RB1: variants seen among roughly 807,000 people sequenced by gnomAD.
The protein encoded by RB1 is retinoblastoma-associated protein.
A neutral mutation model predicts 135.4 loss-of-function variants in RB1; 18 were observed. The observed-to-expected ratio is 0.13, with a 90% CI of 0.09 to 0.20. The LOEUF (loss-of-function observed/expected upper bound fraction) is 0.20. RB1 is among the 10% of genes least tolerant of loss of function. The probability of loss-of-function intolerance (pLI) is 1.00; values close to 1 mark genes in which losing one functional copy is unlikely to be tolerated. For synonymous variants in RB1, 365 were observed against 373.2 expected, an observed-to-expected ratio of 0.98 and a Z score of 0.25; for missense variants, 868 against 1,110.0, an observed-to-expected ratio of 0.78 and a Z score of 3.10.
intron 8 of RB1, 123 bp from the exon 9 acceptor site, chr13:48,364,771 A>G: frequency 2.6e-6 from 3 of 1,133,384 alleles, no homozygotes; most frequent in Non-Finnish European, 1.2e-6. Context: ...TAAAAAAGTT[A>G]TACACAGATT....
At chr13:48,362,701 T>G in intron 7 of RB1, 114 bp from the exon 8 acceptor site, 1 of 1,109,998 alleles carries the variant, frequency 9.0e-7, no homozygotes, top group Non-Finnish European at 1.3e-6. Context: ...ACCTAATAAG[T>G]AAAAGTAGTA....
intron 17 of RB1, among the ~76,000 whole-genome samples, chr13:48,432,192 G>A (rs2041519032): frequency 6.6e-6 from 1 of 152,128 alleles, no homozygotes; most frequent in Admixed American, 6.6e-5. Context: ...AATGAATCAT[G>A]TGGTTGTCTC....
chr13:48,326,275 CT>C (rs1395323035), intron 2 of RB1, among the ~76,000 whole-genome samples: 1 of 151,776 alleles, frequency 6.6e-6, no homozygotes, highest in African/African-American at 2.4e-5. Context: ...TGCCTAATTT[CT>C]TTTTTTTCCT....
intron 17 of RB1, chr13:48,411,887 T>C: frequency 6.2e-7 from 1 of 1,613,810 alleles, no homozygotes; most frequent in Non-Finnish European, 8.5e-7. Context: ...TTGAGAGATA[T>C]GTTTTCCATG....
intron 17 of RB1, among the ~76,000 whole-genome samples, chr13:48,403,995 T>C (rs1035531421): frequency 2.6e-5 from 4 of 152,088 alleles, no homozygotes; most frequent in Non-Finnish European, 5.9e-5. Context: ...AATGAGACAC[T>C]GTCTCAAAGA....
rs149608865 is a variant in RB1 at position 48,398,280 on chromosome 13, C to G, written c.1695+16837C>G. Among the ~76,000 whole-genome samples, 22 of 152,268 alleles carry G rather than the reference C, an allele frequency of 1.4e-4. No individual in the cohort carries two copies. The East Asian group carries it at 4.2e-3, about 29-fold the overall frequency. ...ATAGCTAAAGCTTTAACCTTTCTCA[C>G]TCTGACCCAATATATTCCTAATATA... On this transcript the variant is annotated intron_variant, in intron 17 of 26. Coordinates refer to ENST00000267163, the MANE Select transcript of RB1 (RefSeq NM_000321.3).
intron 17 of RB1, among the ~76,000 whole-genome samples, chr13:48,391,902 G>A (rs1948613565): frequency 6.6e-6 from 1 of 152,116 alleles, no homozygotes; most frequent in Non-Finnish European, 1.5e-5. Context: ...TTACTGGCAT[G>A]AGCCACCGCA....
intron 17 of RB1, among the ~76,000 whole-genome samples, chr13:48,442,599 C>T (rs1276599066): frequency 6.6e-6 from 1 of 152,034 alleles, no homozygotes; most frequent in Non-Finnish European, 1.5e-5. Context: ...GAGGAAGACC[C>T]TCACTGAATT....
chr13:48,307,143 GATAAA>G (rs1952087332), intron 1 of RB1, 132 bp from the exon 2 acceptor site: 1 of 666,168 alleles, frequency 1.5e-6, no homozygotes, highest in Non-Finnish European at 2.5e-6. Flanking sequence ...GTTTTTCTAA[GATAAA>G]ATAAGATCTT....
At chr13:48,346,099 C>CTTTTTTTTTTTTTT (rs35882805) in intron 4 of RB1, among the ~76,000 whole-genome samples, 1 of 117,136 alleles carries the variant, frequency 8.5e-6, no homozygotes, top group African/African-American at 3.2e-5. Flanking sequence ...CATTGGCCAT[C>CTTTTTTTTTTTTTT]TTTTTTTTTT....
Position 48,369,656 on chromosome 13 carries a change from T to A in RB1, c.1127+1052T>A, listed in dbSNP as rs183221641. On this transcript the variant is annotated intron_variant, in intron 11 of 26. Transcript: ENST00000267163. The stretch of plus-strand genomic sequence containing the variant: ...GCCACACTTTGGCCTTCTCTGTTTC[T>A]TGGGCTTTCCAAGTTTTTTGAAAAC... Among the ~76,000 whole-genome samples, 110 of 152,356 alleles carry A rather than the reference T, an allele frequency of 7.2e-4. 1 individual carries two copies. Among genetic ancestry groups the A allele is most frequent in the Non-Finnish European group, 4.4e-4 (30 of 68,036 alleles).
intron 10 of RB1, among the ~76,000 whole-genome samples, chr13:48,367,811 AAC>A (rs761040370): frequency 9.2e-5 from 14 of 152,210 alleles, no homozygotes; most frequent in Non-Finnish European, 1.8e-4. Flanking sequence ...TGTGTCCTAT[AAC>A]AGTTACCTTT....
intron 2 of RB1, among the ~76,000 whole-genome samples, chr13:48,337,712 T>G (rs1952397909): frequency 6.6e-6 from 1 of 152,242 alleles, no homozygotes; most frequent in Admixed American, 6.5e-5. Context: ...GTGAATTTGA[T>G]CCTGTCATTA....
At position 48,386,225 on chromosome 13, in the gene RB1, T is replaced by C. The variant is rs534051244; in HGVS notation, c.1695+4782T>C. 3.3e-5 allele frequency among the ~76,000 whole-genome samples: 5 copies of C among 152,212 alleles called. No homozygotes were observed. The South Asian group carries it at 1.0e-3, about 32-fold the overall frequency. ...GGCATTGCTAAATGATGGGGATACA[T>C]TCTAGGAAATACTTCATTTAGGCAA... On this transcript the variant is annotated intron_variant, in intron 17 of 26. Coordinates refer to ENST00000267163, the MANE Select transcript of RB1 (RefSeq NM_000321.3).
intron 17 of RB1, among the ~76,000 whole-genome samples, chr13:48,396,171 A>ACCTATATATAT (rs1948646491): frequency 6.6e-6 from 1 of 152,194 alleles, no homozygotes; most frequent in African/African-American, 2.4e-5. Flanking sequence ...AGAACCTAAA[A>ACCTATATATAT]AGAGCCCATA....
rs533450806 is a variant in RB1 at position 48,463,612 on chromosome 13, GA to G, written c.2107-116del. On this transcript the variant is annotated intron_variant, in intron 20 of 26. Coordinates refer to ENST00000267163, the MANE Select transcript of RB1 (RefSeq NM_000321.3). ...TTTCAAACTGAGCTCAGTATGGAAA[GA>G]AATAACTCTGTAGATTAAACCTTTC... 1.2e-4 allele frequency: 85 copies of G among 706,502 alleles called. No homozygotes were observed. In the African/African-American group the frequency reaches 1.5e-3, roughly 12 times the overall value. 43.8% of individuals were successfully genotyped at this position (706,502 alleles called of 1,614,324 possible). A position where few individuals can be genotyped will look rare whatever the true frequency, so the allele number is the denominator to read the frequency against.
At chr13:48,311,595 A>G (rs932965864) in intron 2 of RB1, among the ~76,000 whole-genome samples, 11 of 150,672 alleles carry the variant, frequency 7.3e-5, no homozygotes, top group African/African-American at 2.7e-4. Flanking sequence ...GATCATCCAT[A>G]TCCTTACTGA....
chr13:48,359,952 C>A, intron 6 of RB1, 65 bp from the exon 7 acceptor site: 2 of 1,592,554 alleles, frequency 1.3e-6, no homozygotes, highest in Non-Finnish European at 1.7e-6. Context: ...CTCTACCCTG[C>A]GATTTTCTCT....
chr13:48,367,372 A>G, intron 9 of RB1, 122 bp from the exon 10 acceptor site: 4 of 1,030,378 alleles, frequency 3.9e-6, no homozygotes, highest in Non-Finnish European at 5.5e-6. Flanking sequence ...ATGCGAACTC[A>G]GTGTATATTA....
Sources: allele counts gnomAD v4.1 joint callset (sites outside exome capture counted in the v4.1 genomes callset), GRCh38; gene constraint gnomAD v4.1.1; transcripts MANE v1.5; gene names NCBI Gene and HGNC (gene_info 2026-07-23, HGNC 2026-07-21).